Variants in CFAP74 observed in about 807,000 individuals in gnomAD.
CFAP74 encodes the protein cilia- and flagella-associated protein 74.
Under a neutral mutation model 188.9 loss-of-function variants are expected in CFAP74, and 124 were observed. That is an observed-to-expected ratio of 0.66 (90% CI 0.57 to 0.76). CFAP74 has a LOEUF of 0.76. Ranked by LOEUF, CFAP74 falls within the 30% of genes least tolerant of loss-of-function variation. The pLI is 0.00. For missense variants in CFAP74, 2,198 were observed against 2,165.2 expected (o/e 1.02, Z -0.30); for synonymous variants, 956 against 916.7 (o/e 1.04, Z -0.77).
intron 18 of CFAP74, among the ~76,000 whole-genome samples, chr1:1,951,138 TAC>T (rs1232801188): frequency 6.6e-6 from 1 of 152,118 alleles, no homozygotes; most frequent in East Asian, 1.9e-4. Flanking sequence ...TCAGGAAACT[TAC>T]AGTCATGGTT....
Position 1,966,484 on chromosome 1 carries a change from C to G in CFAP74, c.1288G>C (p.Glu430Gln). ...TGGATAAGCTCACTGGAAACGACTT[C>G]CAGCAACCGAGAGGGCCCGGGGCCT... ...AAGPGPSRLL[E>Q]VVSSELIQGD... The change falls in exon 12 of 39, where the codon GAA (glutamate) becomes CAA (glutamine). Residue 430 changes from glutamate to glutamine, a missense_variant. Transcript: ENST00000682832. 6 of 1,600,134 alleles carry G rather than the reference C, an allele frequency of 3.7e-6. No individual in the cohort carries two copies. Among genetic ancestry groups the G allele is most frequent in the Non-Finnish European group, 5.1e-6 (6 of 1,171,550 alleles).
intron 2 of CFAP74, 22 bp from the exon 3 acceptor site, chr1:1,988,995 TAAA>T (rs144487103): frequency 2.4e-4 from 222 of 915,188 alleles, no homozygotes; most frequent in South Asian, 3.4e-4. Flanking sequence ...GGCAAGAGTT[TAAA>T]AAAAAAAAAA....
In CFAP74 at chr1:1,923,594, C is replaced by A; in HGVS notation, c.4390-95G>T. ...GCTGGCTCAGGGAAGGAAGCAGGGA[C>A]GGCCTGGGGGCCCCGTGGGGCCCTG... On this transcript the variant is annotated intron_variant, in intron 35 of 38. Transcript: ENST00000682832. This position sits in a 1 kb window ranked among gnomAD's most constrained non-coding sequence, Gnocchi z 6.3. The A allele has an allele frequency of 6.5e-7, 1 of 1,545,970 alleles. No homozygotes were observed. Among genetic ancestry groups the A allele is most frequent in the Non-Finnish European group, 8.7e-7 (1 of 1,144,500 alleles).
intron 13 of CFAP74, 31 bp from the exon 14 acceptor site, chr1:1,963,898 C>A (rs369929738): frequency 2.7e-6 from 4 of 1,454,656 alleles, no homozygotes; most frequent in Non-Finnish European, 3.9e-6. Context: ...AGCTTCAGAG[C>A]GGGTCACAGG....
chr1:1,990,601 G>T (rs1439736672), intron 2 of CFAP74, among the ~76,000 whole-genome samples: 1 of 152,030 alleles, frequency 6.6e-6, no homozygotes, highest in Non-Finnish European at 1.5e-5. Context: ...TCCAGGAAAA[G>T]AAAACAAAAA....
rs993083338 is a variant in CFAP74 at position 1,928,813 on chromosome 1, G to A, written c.3358C>T (p.Leu1120Phe). 6 of 1,535,720 alleles carry A rather than the reference G, an allele frequency of 3.9e-6. No individual in the cohort carries two copies. Among genetic ancestry groups the A allele is most frequent in the African/African-American group, 1.4e-5 (1 of 73,186 alleles). ...EKLIRQEALP[L>F]LNKEMETKSF... ...TTGGTCTCCATTTCTTTGTTCAGGA[G>A]TGGGAGGGCTTCCTGGCGGATCAGC... The change falls in exon 27 of 39, where the codon CTC becomes TTC. Residue 1120 changes from leucine to phenylalanine, a missense_variant. Physicochemically the swap from Leu to Phe is conservative, Grantham distance 22. Transcript: ENST00000682832.
intron 16 of CFAP74, 47 bp from the exon 17 acceptor site, chr1:1,956,831 C>T (rs1654674343): frequency 1.3e-6 from 2 of 1,589,718 alleles, no homozygotes; most frequent in South Asian, 1.1e-5. Context: ...GCCAGGCCCA[C>T]AGGGTGCCCA....
At chr1:1,997,291 G>A (rs1456256345) in intron 1 of CFAP74, among the ~76,000 whole-genome samples, 4 of 151,820 alleles carry the variant, frequency 2.6e-5, no homozygotes, top group East Asian at 1.9e-4. Context: ...GCGTGGTGGC[G>A]CACGCCTGTA....
chr1:1,960,101 G>T, intron 14 of CFAP74, 71 bp from the exon 15 acceptor site: 1 of 1,350,782 alleles, frequency 7.4e-7, no homozygotes, highest in Non-Finnish European at 1.0e-6. Flanking sequence ...ACCACCCAGA[G>T]CACAGTCAGG....
At chr1:2,001,987 C>T (rs548055143) in intron 1 of CFAP74, among the ~76,000 whole-genome samples, 1 of 152,190 alleles carries the variant, frequency 6.6e-6, no homozygotes, top group Non-Finnish European at 1.5e-5. Flanking sequence ...CAAAGTGACT[C>T]TAGGCTGGAT....
In CFAP74 at chr1:1,922,197, C is replaced by T; in HGVS notation, c.*90G>A. 1.0e-6 allele frequency: 1 copy of T among 967,354 alleles called. No individual in the cohort carries two copies. The highest frequency in any genetic ancestry group is 1.6e-6 in the Non-Finnish European group (1 of 629,254). The allele number at this position is 967,354 out of a possible 1,614,324, so 59.9% of individuals were successfully genotyped here. On this transcript the variant is annotated 3_prime_UTR_variant, in exon 39 of 39. Coordinates refer to ENST00000682832, the MANE Select transcript of CFAP74 (RefSeq NM_001304360.2). ...GGAATCTGGCAGAGGATGGCCAGGT[C>T]CCAGGCTCTAGGGTAGTATGACCTG...
At chr1:1,948,916 CT>C (rs371771789) in intron 18 of CFAP74, among the ~76,000 whole-genome samples, 2 of 139,780 alleles carry the variant, frequency 1.4e-5, no homozygotes, top group Non-Finnish European at 3.2e-5. Context: ...CCTTCCTTCC[CT>C]TTCCTTCCTT....
chr1:1,994,398 AT>A (rs1391130447), intron 1 of CFAP74, among the ~76,000 whole-genome samples: 3 of 152,160 alleles, frequency 2.0e-5, no homozygotes, highest in African/African-American at 7.2e-5. Flanking sequence ...CACTAAAAAT[AT>A]TTTCAGTGCC....
At position 1,944,413 on chromosome 1, in the gene CFAP74, C is replaced by T. The variant is rs557235459; in HGVS notation, c.2404G>A (p.Val802Ile). The change falls in exon 21 of 39, where the codon GTC becomes ATC. Residue 802 changes from valine (V) to isoleucine (I), a missense_variant. Transcript: ENST00000682832. ...RVVGVAIDVPVWVPKPSVDLK... is the reference protein window; with the variant it reads ...RVVGVAIDVPIWVPKPSVDLK... ...TCCACGCTGGGCTTCGGCACCCAGA[C>T]CGGCACATCGATGGCCACGCCCACG... The T allele has an allele frequency of 2.0e-6, 3 of 1,536,116 alleles. No individual in the cohort carries two copies. Among genetic ancestry groups the T allele is most frequent in the Non-Finnish European group, 2.6e-6 (3 of 1,146,900 alleles).
chr1:1,951,729 T>G (rs1313247415), intron 18 of CFAP74, among the ~76,000 whole-genome samples: 3 of 152,242 alleles, frequency 2.0e-5, no homozygotes, highest in Non-Finnish European at 2.9e-5. Flanking sequence ...TTCTGGGATA[T>G]TCACATTTTA....
rs556152976 is a variant in CFAP74, at chr1:1,985,084, C to T, written c.500+302G>A. 7.6e-4 allele frequency: 257 copies of T among 337,830 alleles called. 1 individual carries two copies. Among genetic ancestry groups the T allele is most frequent in the Non-Finnish European group, 1.2e-3 (212 of 178,582 alleles). 20.9% of individuals were successfully genotyped at this position (337,830 alleles called of 1,614,324 possible). The stretch of plus-strand genomic sequence containing the variant: ...TTTAGGACGAGGCAGCTGTCTCTCT[C>T]CTGGGCTTTGAAAACCCAGCTCGCT... On this transcript the variant is annotated intron_variant, in intron 6 of 38. Transcript: ENST00000682832.
In CFAP74 at chr1:1,979,157, A is replaced by G. The variant is rs868372551; in HGVS notation, c.501-4959T>C. Among the ~76,000 whole-genome samples the G allele has an allele frequency of 1.4e-3, 79 of 54,862 alleles. 3 individuals carry two copies. Among genetic ancestry groups the G allele is most frequent in the Middle Eastern group, 0.018 (1 of 56 alleles). 36.0% of individuals were successfully genotyped at this position (54,862 alleles called of 152,430 possible). ...GGTACTGAGCTGGGCGTGGGAAGGC[A>G]TCATGTGACAAGGCTGCACAGAACA... On this transcript the variant is annotated intron_variant, in intron 6 of 38. Transcript: ENST00000682832.
chr1:1,942,241 C>CTAGCCGGGCGCGG lies in CFAP74; in HGVS notation c.2487-86_2487-85insCCGCGCCCGGCTA. The stretch of plus-strand genomic sequence containing the variant: ...AATGCCTGGAGTTATTAAAACATTT[C>CTAGCCGGGCGCGG]TGGCACCCAAGCCCCCGAGAGGTGC... On this transcript the variant is annotated intron_variant, in intron 21 of 38. Transcript: ENST00000682832. This position sits in a 1 kb window ranked among gnomAD's most constrained non-coding sequence, Gnocchi z 4.3. 7.5e-7 allele frequency: 1 copy of CTAGCCGGGCGCGG among 1,331,412 alleles called. No individual in the cohort carries two copies. The highest frequency in any genetic ancestry group is 9.7e-7 in the Non-Finnish European group (1 of 1,032,738). The allele number at this position is 1,331,412 out of a possible 1,614,324, so 82.5% of individuals were successfully genotyped here.
intron 1 of CFAP74, among the ~76,000 whole-genome samples, chr1:1,994,174 T>TAAAAAAAA (rs5772056): frequency 8.7e-6 from 1 of 114,752 alleles, no homozygotes; most frequent in African/African-American, 3.0e-5. Flanking sequence ...CTAAAAGGGT[T>TAAAAAAAA]AAAAAAAAAA....
Sources: allele counts gnomAD v4.1 joint callset (sites outside exome capture counted in the v4.1 genomes callset), GRCh38; gene constraint gnomAD v4.1.1; non-coding constraint Gnocchi (gnomAD v3.1); transcripts MANE v1.5; gene names NCBI Gene and HGNC (gene_info 2026-07-23, HGNC 2026-07-21).